JAZF1: variants seen among roughly 807,000 people sequenced by gnomAD.
JAZF1 encodes JAZF zinc finger 1.
In JAZF1, 8 loss-of-function variants were observed where a neutral mutation model predicts 26.4. The observed-to-expected ratio is 0.30, with a 90% CI of 0.18 to 0.55. JAZF1 has a LOEUF of 0.55. Among genes scored for constraint, JAZF1 ranks in the 20% least tolerant of loss-of-function variants. The pLI is 0.94. For synonymous variants in JAZF1, 126 were observed against 122.3 expected (o/e 1.03, Z -0.20); for missense variants, 199 against 322.0 (o/e 0.62, Z 2.92).
intron 2 of JAZF1, among the ~76,000 whole-genome samples, chr7:27,953,165 T>C (rs1785039339): frequency 6.6e-6 from 1 of 152,234 alleles, no homozygotes; most frequent in Non-Finnish European, 1.5e-5. Flanking sequence ...AGTTAAGTCA[T>C]ATAAGGCTTT....
intron 1 of JAZF1, among the ~76,000 whole-genome samples, chr7:28,040,066 T>C (rs1783363531): frequency 6.6e-6 from 1 of 152,200 alleles, no homozygotes; most frequent in African/African-American, 2.4e-5. Flanking sequence ...CATTAAAAAA[T>C]GCTGAGAGTC....
At chr7:27,973,309 T>C (rs563765561) in intron 2 of JAZF1, among the ~76,000 whole-genome samples, 2 of 152,122 alleles carry the variant, frequency 1.3e-5, no homozygotes, top group African/African-American at 4.8e-5. Context: ...TATATATTTA[T>C]TTTTATTATT....
At chr7:27,942,319 C>G (rs949269460) in intron 2 of JAZF1, among the ~76,000 whole-genome samples, 1 of 152,236 alleles carries the variant, frequency 6.6e-6, no homozygotes, top group Non-Finnish European at 1.5e-5. Context: ...CTACCCTACC[C>G]AGATCATTTA....
At position 28,040,415 on chromosome 7, in the gene JAZF1, A is replaced by G. The variant is rs1783369591; in HGVS notation, c.116-48434T>C. Among the ~76,000 whole-genome samples the G allele has an allele frequency of 2.0e-5, 3 of 152,250 alleles. No individual in the cohort carries two copies. The South Asian group carries it at 6.2e-4, about 31-fold the overall frequency. Reference sequence around the variant, plus strand: ...TATCGAAGAGAGATGAGTACTATAAAGAAAATTAAAGAGTAATGTAATCAA... The same window carrying G: ...TATCGAAGAGAGATGAGTACTATAAGGAAAATTAAAGAGTAATGTAATCAA... On this transcript the variant is annotated intron_variant, in intron 1 of 4. Transcript: ENST00000283928.
intron 1 of JAZF1, among the ~76,000 whole-genome samples, chr7:28,026,262 C>G (rs1044423304): frequency 6.6e-6 from 1 of 152,192 alleles, no homozygotes; most frequent in Non-Finnish European, 1.5e-5. Context: ...GTATTCTTCT[C>G]TAAAGCCCAA....
intron 1 of JAZF1, among the ~76,000 whole-genome samples, chr7:28,007,779 G>C (rs1187619533): frequency 6.6e-6 from 1 of 152,140 alleles, no homozygotes; most frequent in Non-Finnish European, 1.5e-5. Context: ...CTTTTTAAAA[G>C]AGCAGTTTTA....
At chr7:28,003,584 G>A (rs952701110) in intron 1 of JAZF1, among the ~76,000 whole-genome samples, 1 of 152,160 alleles carries the variant, frequency 6.6e-6, no homozygotes, top group Admixed American at 6.5e-5. Context: ...AATACTACAT[G>A]TAATAACACC....
intron 1 of JAZF1, among the ~76,000 whole-genome samples, chr7:28,145,590 TG>T (rs1783015246): frequency 6.6e-6 from 1 of 152,246 alleles, no homozygotes; most frequent in Non-Finnish European, 1.5e-5. Flanking sequence ...AGAAAGTGAC[TG>T]GAAGCTTTCT....
At chr7:27,910,127 A>G (rs1784336136) in intron 2 of JAZF1, among the ~76,000 whole-genome samples, 1 of 152,220 alleles carries the variant, frequency 6.6e-6, no homozygotes, top group Non-Finnish European at 1.5e-5. Flanking sequence ...CAACTCTTTC[A>G]GGTATGAGAG....
chr7:28,156,352 T>G (rs2127950113), intron 1 of JAZF1, among the ~76,000 whole-genome samples: 1 of 152,344 alleles, frequency 6.6e-6, no homozygotes, highest in South Asian at 2.1e-4. Flanking sequence ...GGGAGTCACT[T>G]CGTGGCTTTG....
intron 3 of JAZF1, among the ~76,000 whole-genome samples, chr7:27,855,047 G>A (rs1447303123): frequency 6.6e-6 from 1 of 152,044 alleles, no homozygotes; most frequent in African/African-American, 2.4e-5. Flanking sequence ...TTTCTGGGAG[G>A]CTTTGTTTGT....
intron 4 of JAZF1, 148 bp from the exon 5 acceptor site, chr7:27,833,124 A>C (rs1250024111): frequency 7.4e-6 from 4 of 537,508 alleles, no homozygotes; most frequent in Non-Finnish European, 1.3e-5. Flanking sequence ...GGACCCTTCA[A>C]GGACATTCTG....
At chr7:28,007,143 A>C (rs1033417873) in intron 1 of JAZF1, among the ~76,000 whole-genome samples, 4 of 152,028 alleles carry the variant, frequency 2.6e-5, no homozygotes, top group African/African-American at 4.8e-5. Context: ...CTTTCCAATA[A>C]AGTTTATGTT....
intron 1 of JAZF1, among the ~76,000 whole-genome samples, chr7:28,064,081 T>TA (rs901994092): frequency 5.3e-5 from 8 of 151,846 alleles, no homozygotes; most frequent in Admixed American, 1.3e-4. Flanking sequence ...TGCCAAGAGT[T>TA]AAAAAAAATT....
intron 1 of JAZF1, among the ~76,000 whole-genome samples, chr7:28,126,068 G>A (rs1302089418): frequency 6.6e-6 from 1 of 152,150 alleles, no homozygotes; most frequent in Non-Finnish European, 1.5e-5. Context: ...TTATCCTATG[G>A]TTCAAGTGTA....
chr7:28,141,326 A>T (rs778715579), intron 1 of JAZF1, among the ~76,000 whole-genome samples: 36 of 152,234 alleles, frequency 2.4e-4, no homozygotes, highest in Non-Finnish European at 3.5e-4. Flanking sequence ...TTTTTAAGCT[A>T]TAGAGGTGGA....
At chr7:28,106,098 G>T (rs1784546184) in intron 1 of JAZF1, among the ~76,000 whole-genome samples, 1 of 152,138 alleles carries the variant, frequency 6.6e-6, no homozygotes, top group Non-Finnish European at 1.5e-5. Context: ...TGTGAATGCT[G>T]TCTTACAGGT....
At chr7:27,957,948 T>C (rs1307534617) in intron 2 of JAZF1, among the ~76,000 whole-genome samples, 4 of 152,132 alleles carry the variant, frequency 2.6e-5, no homozygotes, top group African/African-American at 7.2e-5. Flanking sequence ...ATAGAAGACC[T>C]TGGTAAGTGA....
At chr7:27,837,643 G>A (rs755745877) in intron 4 of JAZF1, among the ~76,000 whole-genome samples, 11 of 152,210 alleles carry the variant, frequency 7.2e-5, no homozygotes, top group Non-Finnish European at 1.2e-4. Flanking sequence ...TTGGTGAGGG[G>A]TCCCAGAGGT....
Sources: gnomAD v4.1 joint callset for allele counts (sites outside exome capture counted in the v4.1 genomes callset) on GRCh38, gnomAD v4.1.1 for gene constraint, MANE v1.5 for transcripts, NCBI Gene and HGNC (gene_info 2026-07-23, HGNC 2026-07-21) for gene names.